Variants in UNC13C observed in about 807,000 individuals in gnomAD.
The protein encoded by UNC13C is unc-13 homolog C.
UNC13C carries 174 observed loss-of-function variants against 245.4 expected under a neutral mutation model. That is an observed-to-expected ratio of 0.71 (90% CI 0.63 to 0.80). UNC13C has a LOEUF of 0.80. UNC13C is among the 30% of genes least tolerant of loss of function. UNC13C has a pLI of 0.00. For missense variants in UNC13C, 2,829 were observed against 2,602.9 expected (o/e 1.09, Z -1.89); for synonymous variants, 992 against 895.1 (o/e 1.11, Z -1.93).
intron 19 of UNC13C, among the ~76,000 whole-genome samples, chr15:54,451,954 G>A (rs1891201877): frequency 6.6e-6 from 1 of 152,166 alleles, no homozygotes; most frequent in Non-Finnish European, 1.5e-5. Context: ...TGTGATTTTG[G>A]TTAGGTAGGG....
chr15:53,866,052 T>G, the UNC13C span, among the ~76,000 whole-genome samples: 4 of 152,100 alleles, frequency 2.6e-5, no homozygotes, highest in African/African-American at 9.7e-5. Flanking sequence ...AAAAATAAAC[T>G]TCTAAAAACT....
At chr15:53,851,851 G>A in the UNC13C span, among the ~76,000 whole-genome samples, 1 of 152,222 alleles carries the variant, frequency 6.6e-6, no homozygotes, top group South Asian at 2.1e-4. Flanking sequence ...TTGCTGGAAG[G>A]TGGTGCGTCT....
chr15:54,472,199 T>C (rs564252039), intron 19 of UNC13C, among the ~76,000 whole-genome samples: 2 of 151,954 alleles, frequency 1.3e-5, no homozygotes, highest in East Asian at 3.9e-4. Context: ...TATTTTAAGC[T>C]GATAATCACC....
chr15:53,927,966 T>A, the UNC13C span, among the ~76,000 whole-genome samples: 3 of 152,146 alleles, frequency 2.0e-5, no homozygotes, highest in Admixed American at 6.5e-5. Context: ...GAAATAGACA[T>A]GTAAGTACTC....
At chr15:53,915,025 C>T in the UNC13C span, among the ~76,000 whole-genome samples, 3 of 152,130 alleles carry the variant, frequency 2.0e-5, no homozygotes, top group Non-Finnish European at 2.9e-5. Flanking sequence ...TGGAGGCTTT[C>T]CCAACTGAAT....
the UNC13C span, among the ~76,000 whole-genome samples, chr15:53,949,329 G>A: frequency 6.6e-6 from 1 of 152,150 alleles, no homozygotes; most frequent in Non-Finnish European, 1.5e-5. Flanking sequence ...GAGACTTGCA[G>A]CTGTTTAAAA....
chr15:54,166,151 G>A (rs1343200940), intron 4 of UNC13C, among the ~76,000 whole-genome samples: 1 of 151,920 alleles, frequency 6.6e-6, no homozygotes, highest in African/African-American at 2.4e-5. Flanking sequence ...ATCTTGAACA[G>A]ATTTTTATTT....
chr15:54,391,429 T>G (rs1212605974), intron 17 of UNC13C, among the ~76,000 whole-genome samples: 1 of 152,074 alleles, frequency 6.6e-6, no homozygotes, highest in Non-Finnish European at 1.5e-5. Context: ...TAAAAATAAA[T>G]TTTAATAAAA....
chr15:54,204,190 T>C (rs1047584318), intron 4 of UNC13C, among the ~76,000 whole-genome samples: 4 of 151,182 alleles, frequency 2.6e-5, no homozygotes, highest in Non-Finnish European at 5.9e-5. Flanking sequence ...TTGGGTACAG[T>C]GTACGCTGCT....
chr15:54,461,497 T>G (rs906444704), intron 19 of UNC13C, among the ~76,000 whole-genome samples: 2 of 152,228 alleles, frequency 1.3e-5, no homozygotes, highest in Admixed American at 6.5e-5. Flanking sequence ...AGTCTATAAT[T>G]TGATTTATAT....
chr15:54,366,626 ACT>A (rs2039372117), intron 17 of UNC13C, among the ~76,000 whole-genome samples: 2 of 152,254 alleles, frequency 1.3e-5, no homozygotes, highest in African/African-American at 4.8e-5. Flanking sequence ...AAAATAATTA[ACT>A]CTTTGACCCA....
chr15:54,330,370 G>A (rs2038407460), intron 14 of UNC13C, among the ~76,000 whole-genome samples: 1 of 152,014 alleles, frequency 6.6e-6, no homozygotes, highest in Non-Finnish European at 1.5e-5. Context: ...AAAAGAGGTC[G>A]AGAGGGTGAG....
At chr15:53,990,329 G>C (rs950777586) in intron 1 of UNC13C, among the ~76,000 whole-genome samples, 3 of 151,896 alleles carry the variant, frequency 2.0e-5, no homozygotes, top group African/African-American at 7.2e-5. Context: ...AATGAATACA[G>C]AATTATAAAA....
At chr15:54,297,714 C>G (rs917402126) in intron 11 of UNC13C, 97 bp from the exon 12 acceptor site, 3 of 860,104 alleles carry the variant, frequency 3.5e-6, no homozygotes, top group Non-Finnish European at 5.6e-6. Flanking sequence ...CTACTTAAGC[C>G]GTTTTTTTGT....
chr15:54,338,016 A>G (rs1042274290), intron 16 of UNC13C, among the ~76,000 whole-genome samples: 2 of 152,176 alleles, frequency 1.3e-5, no homozygotes, highest in African/African-American at 2.4e-5. Flanking sequence ...CCCATGAGGA[A>G]AGGGATTTTT....
At position 54,132,937 on chromosome 15, in the gene UNC13C, CA is replaced by C. The variant is rs1430880658; in HGVS notation, c.2984-10076del. On this transcript the variant is annotated intron_variant, in intron 2 of 32. Coordinates refer to ENST00000260323, the MANE Select transcript of UNC13C (RefSeq NM_001080534.3). ...AGATCTCTCCTATTCAAATTTCCTT[CA>C]AAAAGTGTGTTATAATAGAGGTAAA... Among the ~76,000 whole-genome samples, 4 of 152,088 alleles carry C rather than the reference CA, an allele frequency of 2.6e-5. No homozygotes were observed. The East Asian group carries it at 7.7e-4, about 29-fold the overall frequency.
At chr15:54,375,459 C>T (rs140945083) in intron 17 of UNC13C, among the ~76,000 whole-genome samples, 22 of 152,042 alleles carry the variant, frequency 1.4e-4, no homozygotes, top group East Asian at 3.9e-4. Context: ...CAACGGAGTA[C>T]GGCAAAAACC....
chr15:54,221,468 A>T (rs577078152), intron 4 of UNC13C, among the ~76,000 whole-genome samples: 1 of 150,576 alleles, frequency 6.6e-6, no homozygotes, highest in African/African-American at 2.5e-5. Flanking sequence ...AATAGTCATC[A>T]GGAAAATTAT....
At chr15:54,059,778 A>C (rs1897721219) in intron 2 of UNC13C, among the ~76,000 whole-genome samples, 1 of 152,188 alleles carries the variant, frequency 6.6e-6, no homozygotes. Context: ...GATATAGACC[A>C]ATGGAACAGA....
Sources: allele counts gnomAD v4.1 joint callset (sites outside exome capture counted in the v4.1 genomes callset), GRCh38; gene constraint gnomAD v4.1.1; transcripts MANE v1.5; gene names NCBI Gene and HGNC (gene_info 2026-07-23, HGNC 2026-07-21).